STK39: variants seen among roughly 807,000 people sequenced by gnomAD.
STK39 encodes the protein serine/threonine kinase 39.
A neutral mutation model predicts 77.8 loss-of-function variants in STK39; 20 were observed. That is an observed-to-expected ratio of 0.26 (90% CI 0.18 to 0.37). The LOEUF is 0.37. STK39 is among the 10% of genes least tolerant of loss of function. The pLI is 1.00. For synonymous variants in STK39, 246 were observed against 234.1 expected (o/e 1.05, Z -0.47); for missense variants, 479 against 656.5 (o/e 0.73, Z 2.95).
chr2:168,247,059 A>AT (rs1465594370), intron 1 of STK39, among the ~76,000 whole-genome samples, 169 bp downstream of exon 1: 16,429 of 51,978 alleles, frequency 0.32, 2,786 homozygotes, highest in Non-Finnish European at 0.47. Context: ...TACATTAAAA[A>AT]TTAAAAAAAA....
intron 14 of STK39, among the ~76,000 whole-genome samples, chr2:168,047,029 A>G (rs1452520565): frequency 1.3e-5 from 2 of 151,880 alleles, no homozygotes; most frequent in African/African-American, 4.8e-5. Context: ...AAACAACTTA[A>G]AAAAAAAGGA....
chr2:168,232,014 T>G (rs1341803286), intron 1 of STK39: 1 of 243,138 alleles, frequency 4.1e-6, no homozygotes, highest in African/African-American at 2.3e-5. Context: ...ATCTCTATTC[T>G]CCTGGATGGT....
At chr2:168,008,555 A>G (rs939272616) in intron 16 of STK39, among the ~76,000 whole-genome samples, 2 of 152,204 alleles carry the variant, frequency 1.3e-5, no homozygotes, top group Admixed American at 6.5e-5. Flanking sequence ...GGAGCTGAAT[A>G]TAAGTCTGGA....
intron 1 of STK39, among the ~76,000 whole-genome samples, chr2:168,197,775 C>T (rs535449035): frequency 3.9e-5 from 6 of 152,282 alleles, no homozygotes; most frequent in Non-Finnish European, 7.4e-5. Flanking sequence ...ATGGCTCACG[C>T]CTATAATCCC....
At chr2:168,071,089 A>G (rs574730654) in intron 12 of STK39, among the ~76,000 whole-genome samples, 1 of 152,092 alleles carries the variant, frequency 6.6e-6, no homozygotes, top group East Asian at 1.9e-4. Context: ...ATAGCCCCTC[A>G]CTCATTAAGC....
At chr2:168,059,190 G>C (rs1014053567) in intron 14 of STK39, among the ~76,000 whole-genome samples, 1 of 152,162 alleles carries the variant, frequency 6.6e-6, no homozygotes, top group Non-Finnish European at 1.5e-5. Flanking sequence ...TCTGTGGTAG[G>C]CAGAATTCTA....
chr2:167,991,994 C>G (rs1213412711), intron 16 of STK39, among the ~76,000 whole-genome samples: 2 of 152,122 alleles, frequency 1.3e-5, no homozygotes, highest in Non-Finnish European at 2.9e-5. Flanking sequence ...TTTTTGCTTA[C>G]AGAAATATTC....
intron 16 of STK39, among the ~76,000 whole-genome samples, chr2:167,992,558 A>C (rs1434740125): frequency 6.6e-6 from 1 of 152,240 alleles, no homozygotes; most frequent in Non-Finnish European, 1.5e-5. Context: ...AGAATTCCAT[A>C]GGCAAAGAGG....
At chr2:167,995,805 G>C (rs1197092909) in intron 16 of STK39, among the ~76,000 whole-genome samples, 1 of 152,132 alleles carries the variant, frequency 6.6e-6, no homozygotes, top group Non-Finnish European at 1.5e-5. Context: ...TCTTACAAGG[G>C]GAAACTCTTT....
chr2:168,033,197 C>G (rs145328427), intron 14 of STK39, among the ~76,000 whole-genome samples: 1 of 151,520 alleles, frequency 6.6e-6, no homozygotes, highest in Non-Finnish European at 1.5e-5. Context: ...TTTCTAGGTA[C>G]GGAAGTCAGC....
intron 1 of STK39, chr2:168,232,152 C>T (rs1407305810): frequency 1.2e-5 from 3 of 241,496 alleles, no homozygotes; most frequent in Admixed American, 1.2e-4. Context: ...AGTCACAAAT[C>T]ACACACTTGC....
rs552465331 is a variant in STK39, at chr2:168,140,767, GA to G, written c.629-10del. ...CGCACTTACCCCAAAATCTGAAAGG[GA>G]AAAAAAAATCACCTTTATTTTATGT... On this transcript the variant is annotated splice_polypyrimidine_tract_variant and intron_variant, in intron 5 of 17. Transcript: ENST00000355999. 1.7e-4 allele frequency: 270 copies of G among 1,548,210 alleles called. No homozygotes were observed. Among genetic ancestry groups the G allele is most frequent in the African/African-American group, 1.2e-3 (83 of 71,216 alleles).
At chr2:168,231,222 A>C (rs1399537567) in intron 1 of STK39, among the ~76,000 whole-genome samples, 1 of 152,208 alleles carries the variant, frequency 6.6e-6, no homozygotes, top group African/African-American at 2.4e-5. Flanking sequence ...CCACTGCTTA[A>C]AACATTTTTG....
intron 2 of STK39, among the ~76,000 whole-genome samples, chr2:168,172,059 T>C (rs1433184991): frequency 6.6e-6 from 1 of 152,178 alleles, no homozygotes; most frequent in African/African-American, 2.4e-5. Flanking sequence ...TGAGCCTCAG[T>C]TTCCTTTTCT....
chr2:168,098,817 T>C (rs996234991), intron 10 of STK39, among the ~76,000 whole-genome samples: 4 of 152,256 alleles, frequency 2.6e-5, no homozygotes, highest in East Asian at 1.9e-4. Context: ...ATTAATATCA[T>C]TGACACTCTA....
At chr2:167,972,890 T>C (rs2105254626) in intron 16 of STK39, among the ~76,000 whole-genome samples, 2 of 152,236 alleles carry the variant, frequency 1.3e-5, no homozygotes, top group South Asian at 4.1e-4. Flanking sequence ...ATCCAAGATC[T>C]AGTATAAAAA....
chr2:168,075,607 T>C (rs1325378748), intron 10 of STK39, among the ~76,000 whole-genome samples: 1 of 151,846 alleles, frequency 6.6e-6, no homozygotes, highest in Non-Finnish European at 1.5e-5. Context: ...AGGAAGCGCA[T>C]GCAAGCAACA....
chr2:168,244,240 C>T (rs1690843080), intron 1 of STK39, among the ~76,000 whole-genome samples: 1 of 152,128 alleles, frequency 6.6e-6, no homozygotes, highest in African/African-American at 2.4e-5. Flanking sequence ...TTTAGGTTTG[C>T]AAAATCCTGT....
chr2:167,998,185 C>A (rs968782831), intron 16 of STK39, among the ~76,000 whole-genome samples: 1 of 152,230 alleles, frequency 6.6e-6, no homozygotes, highest in Admixed American at 6.5e-5. Context: ...CCAGAAAGCA[C>A]CACTGTGGGA....
Sources: gnomAD v4.1 joint callset for allele counts (sites outside exome capture counted in the v4.1 genomes callset) on GRCh38, gnomAD v4.1.1 for gene constraint, MANE v1.5 for transcripts, NCBI Gene and HGNC (gene_info 2026-07-23, HGNC 2026-07-21) for gene names.